ZNF618: variants seen among roughly 807,000 people sequenced by gnomAD.
ZNF618 encodes the protein neural precursor cell expressed, developmentally down-regulated 10.
In ZNF618, 34 loss-of-function variants were observed where a neutral mutation model predicts 103.0. That is an observed-to-expected ratio of 0.33 (90% CI 0.25 to 0.44). The LOEUF (loss-of-function observed/expected upper bound fraction) is 0.44. ZNF618 is among the 20% of genes least tolerant of loss of function. The pLI is 1.00. For synonymous variants in ZNF618, 551 were observed against 542.2 expected (o/e 1.02, Z -0.23); for missense variants, 1,059 against 1,295.4 (o/e 0.82, Z 2.80).
chr9:113,906,452 T>C (rs866120850), intron 1 of ZNF618, among the ~76,000 whole-genome samples: 2 of 151,880 alleles, frequency 1.3e-5, no homozygotes, highest in South Asian at 4.2e-4. Flanking sequence ...ACTGCCATCA[T>C]GTAGGACTGT....
At chr9:113,996,929 C>T (rs368080680) in intron 3 of ZNF618, among the ~76,000 whole-genome samples, 94 of 152,328 alleles carry the variant, frequency 6.2e-4, no homozygotes, top group African/African-American at 2.2e-3. Flanking sequence ...ACTTTGAGCC[C>T]AGTTCCTTGC....
chr9:113,947,241 CAG>C (rs1835123200), intron 1 of ZNF618, among the ~76,000 whole-genome samples: 1 of 152,140 alleles, frequency 6.6e-6, no homozygotes, highest in Admixed American at 6.5e-5. Flanking sequence ...ATTTTGGAAT[CAG>C]AGCTGGATTT....
At position 114,051,155 on chromosome 9, in the gene ZNF618, C is replaced by T. The variant is rs1426040586; in HGVS notation, c.*988C>T. ...GCTAGGAGGCACTGAATGTCTATAACTTATGTTTTGGAGTTTTGTTTTTTT... is the reference window on the plus strand; with the variant it reads ...GCTAGGAGGCACTGAATGTCTATAATTTATGTTTTGGAGTTTTGTTTTTTT... On this transcript the variant is annotated 3_prime_UTR_variant, in exon 15 of 15. Transcript: ENST00000374126. The T allele has an allele frequency of 6.6e-6, 1 of 152,542 alleles. No individual in the cohort carries two copies. The highest frequency in any genetic ancestry group is 1.5e-5 in the Non-Finnish European group (1 of 68,024). 9.4% of individuals were successfully genotyped at this position (152,542 alleles called of 1,614,324 possible). A position where few individuals can be genotyped will look rare whatever the true frequency, so the allele number is the denominator to read the frequency against.
At chr9:113,911,338 G>A (rs1047174584) in intron 1 of ZNF618, among the ~76,000 whole-genome samples, 1 of 151,978 alleles carries the variant, frequency 6.6e-6, no homozygotes, top group Middle Eastern at 3.4e-3. Context: ...TTTTTGTTTT[G>A]TTTTTTTGAG....
At chr9:113,913,139 C>G (rs1315673084) in intron 1 of ZNF618, among the ~76,000 whole-genome samples, 1 of 152,170 alleles carries the variant, frequency 6.6e-6, no homozygotes, top group Non-Finnish European at 1.5e-5. Flanking sequence ...GTAAGAGCTG[C>G]TTTCTCTAAC....
chr9:113,956,209 CAAAAAAAAAAAAAAAAA>C (rs10537910), intron 1 of ZNF618, among the ~76,000 whole-genome samples: 3 of 44,532 alleles, frequency 6.7e-5, no homozygotes, highest in East Asian at 7.6e-4. Flanking sequence ...AACTCTGTCT[CAAAAAAAAAAAAAAAAA>C]AAAAAAAAAA....
At chr9:114,034,259 G>A (rs1236427508) in intron 12 of ZNF618, among the ~76,000 whole-genome samples, 1 of 152,190 alleles carries the variant, frequency 6.6e-6, no homozygotes, top group African/African-American at 2.4e-5. Flanking sequence ...CAAGAGGTGG[G>A]CCTGAAAGGG....
chr9:113,967,954 A>G (rs1837571610), intron 1 of ZNF618, among the ~76,000 whole-genome samples: 1 of 152,028 alleles, frequency 6.6e-6, no homozygotes, highest in Non-Finnish European at 1.5e-5. Flanking sequence ...TTATTTTTAT[A>G]CATTGCCGAT....
intron 2 of ZNF618, among the ~76,000 whole-genome samples, chr9:113,987,121 G>A (rs1208655678): frequency 6.6e-6 from 1 of 152,190 alleles, no homozygotes; most frequent in Non-Finnish European, 1.5e-5. Flanking sequence ...CAGTGTCTCT[G>A]GGCCTGGAAC....
At chr9:113,979,573 C>A (rs1364871144) in intron 2 of ZNF618, among the ~76,000 whole-genome samples, 4 of 152,228 alleles carry the variant, frequency 2.6e-5, no homozygotes, top group Non-Finnish European at 5.9e-5. Flanking sequence ...GGAAAACCAT[C>A]GACAGTTACA....
intron 9 of ZNF618, among the ~76,000 whole-genome samples, chr9:114,011,033 G>A (rs1842193701): frequency 6.6e-6 from 1 of 152,186 alleles, no homozygotes; most frequent in Non-Finnish European, 1.5e-5. Flanking sequence ...CAAGCACCTG[G>A]CTCATATCCA....
intron 1 of ZNF618, among the ~76,000 whole-genome samples, chr9:113,897,855 A>C (rs540659554): frequency 6.6e-6 from 1 of 152,152 alleles, no homozygotes; most frequent in South Asian, 2.1e-4. Flanking sequence ...GTGTGGTGGC[A>C]CGATCTCGGC....
intron 1 of ZNF618, among the ~76,000 whole-genome samples, chr9:113,933,948 T>A (rs928942580): frequency 1.3e-5 from 2 of 151,708 alleles, no homozygotes; most frequent in African/African-American, 4.8e-5. Flanking sequence ...ATGCTTGAAA[T>A]TGAGATCATG....
intron 1 of ZNF618, among the ~76,000 whole-genome samples, chr9:113,888,722 G>A (rs1019476328): frequency 3.9e-5 from 6 of 152,180 alleles, no homozygotes; most frequent in African/African-American, 1.4e-4. Context: ...TCCAGTCTCG[G>A]GTACATTCTT....
intron 13 of ZNF618, among the ~76,000 whole-genome samples, chr9:114,043,641 G>A (rs1445423071): frequency 6.6e-6 from 1 of 152,286 alleles, no homozygotes; most frequent in South Asian, 2.1e-4. Context: ...TTCCATAGTG[G>A]TTGTGCTAGT....
At chr9:114,025,845 T>G (rs1413341975) in intron 10 of ZNF618, among the ~76,000 whole-genome samples, 1 of 152,232 alleles carries the variant, frequency 6.6e-6, no homozygotes, top group African/African-American at 2.4e-5. Flanking sequence ...ACTTTAAATT[T>G]CCTGGCCGCT....
intron 1 of ZNF618, among the ~76,000 whole-genome samples, chr9:113,957,988 TG>T (rs1390044047): frequency 6.6e-6 from 1 of 152,108 alleles, no homozygotes; most frequent in African/African-American, 2.4e-5. Context: ...ATCATAAACC[TG>T]GAGAGAGAAT....
intron 2 of ZNF618, among the ~76,000 whole-genome samples, chr9:113,985,302 C>G (rs1170846926): frequency 1.3e-5 from 2 of 152,234 alleles, no homozygotes; most frequent in Non-Finnish European, 2.9e-5. Context: ...AGGCCATCAG[C>G]CAGTCTGCTC....
Position 113,926,917 on chromosome 9 carries a change from G to A in ZNF618, c.34-42200G>A, listed in dbSNP as rs552276684. 4.1e-4 allele frequency among the ~76,000 whole-genome samples: 63 copies of A among 152,304 alleles called. 1 individual carries two copies. Among genetic ancestry groups the A allele is most frequent in the African/African-American group, 1.5e-3 (62 of 41,570 alleles). On this transcript the variant is annotated intron_variant, in intron 1 of 14. Transcript: ENST00000374126. ...AGTCTCAGCTACTCAGGAGGCTGAG[G>A]TGGGAGGATCACTTGAGCCTGGGAG... is the stretch of plus-strand genomic sequence containing the variant.
Sources: allele counts gnomAD v4.1 joint callset (sites outside exome capture counted in the v4.1 genomes callset), GRCh38; gene constraint gnomAD v4.1.1; transcripts MANE v1.5; gene names NCBI Gene and HGNC (gene_info 2026-07-23, HGNC 2026-07-21).